TMEM132E: variants seen among roughly 807,000 people sequenced by gnomAD.
The protein encoded by TMEM132E is transmembrane protein 132E.
In TMEM132E, 49 loss-of-function variants were observed where a neutral mutation model predicts 78.5. The ratio of observed to expected loss-of-function variants is 0.62; its 90% confidence interval spans 0.50 to 0.79. The LOEUF (loss-of-function observed/expected upper bound fraction) is 0.79, where lower values mean the gene tolerates loss of function less well. Among genes scored for constraint, TMEM132E ranks in the 30% least tolerant of loss-of-function variants. The probability of loss-of-function intolerance (pLI) is 0.00; values close to 1 mark genes in which losing one functional copy is unlikely to be tolerated. For synonymous variants in TMEM132E, 715 were observed against 670.6 expected (o/e 1.07, Z -1.02); for missense variants, 1,403 against 1,470.9 (o/e 0.95, Z 0.75).
chr17:34,617,097 G>A (rs4795015), intron 1 of TMEM132E, among the ~76,000 whole-genome samples: 96,607 of 152,110 alleles, frequency 0.64, 31,001 homozygotes, highest in East Asian at 0.89. Context: ...CCTCTCCTTC[G>A]GCCAGCTGAC....
chr17:34,627,043 G>A lies in TMEM132E; in HGVS notation c.984G>A (p.Glu328=). The A allele has an allele frequency of 6.2e-7, 1 of 1,611,160 alleles. No individual in the cohort carries two copies. The highest frequency in any genetic ancestry group is 8.5e-7 in the Non-Finnish European group (1 of 1,178,938). The change falls in exon 2 of 9, where the codon GAG becomes GAA. Residue 328 remains glutamate (E), a synonymous_variant. Coordinates refer to ENST00000631683, the MANE Select transcript of TMEM132E (RefSeq NM_001304438.2). ...NSSSPSSPSV[E]HFTLRVKAKK... is the part of the protein sequence containing the mutation. ...CCTCGCCCTCCAGCCCCAGCGTGGA[G>A]CACTTCACACTCAGGTAGTAGGGAA...
chr17:34,626,515 C>A lies in TMEM132E; in HGVS notation c.456C>A (p.Asp152Glu). ...VQVLFYVAGRDWDDFGVTERL... is the reference protein window; with the variant it reads ...VQVLFYVAGREWDDFGVTERL... ...TGCTGTTCTACGTAGCCGGCCGGGACTGGGACGACTTCGGCGTCACCGAGC... is the reference window on the plus strand; with the variant it reads ...TGCTGTTCTACGTAGCCGGCCGGGAATGGGACGACTTCGGCGTCACCGAGC... The change falls in exon 2 of 9, where the codon GAC becomes GAA. Residue 152 changes from aspartate (D) to glutamate (E), a missense_variant. Around this residue, in one of 3 missense-constraint regions of TMEM132E, gnomAD observed 511 missense variants for 499.0 expected, o/e 1.02. Transcript: ENST00000631683. 6.2e-7 allele frequency: 1 copy of A among 1,607,378 alleles called. No homozygotes were observed. The highest frequency in any genetic ancestry group is 8.5e-7 in the Non-Finnish European group (1 of 1,178,798).
intron 1 of TMEM132E, among the ~76,000 whole-genome samples, chr17:34,598,886 G>T (rs3948672): frequency 1.3e-5 from 2 of 151,964 alleles, no homozygotes; most frequent in East Asian, 1.9e-4. Flanking sequence ...TGATTGTCCC[G>T]CCAGAAGAGA....
rs369093425 is a variant in TMEM132E at position 34,606,521 on chromosome 17, A to T, written c.68-19606A>T. The stretch of plus-strand genomic sequence containing the variant: ...AACCACAAAGCAAGAGCTGGGCAGA[A>T]CTAGGAGATGCACACATGCTCAGAG... On this transcript the variant is annotated intron_variant, in intron 1 of 8. Transcript: ENST00000631683. 5.3e-5 allele frequency among the ~76,000 whole-genome samples: 8 copies of T among 152,308 alleles called. No individual in the cohort carries two copies. The South Asian group carries it at 1.0e-3, about 20-fold the overall frequency.
At chr17:34,582,126 ATT>A (rs1905508780) in intron 1 of TMEM132E, among the ~76,000 whole-genome samples, 1 of 130,032 alleles carries the variant, frequency 7.7e-6, no homozygotes, top group African/African-American at 2.9e-5. Context: ...CCTGGGATAC[ATT>A]TTCTTAACCA....
At chr17:34,627,475 T>TGCGCGCGCGCGC (rs1567720036) in intron 2 of TMEM132E, among the ~76,000 whole-genome samples, 1 of 141,350 alleles carries the variant, frequency 7.1e-6, no homozygotes, top group African/African-American at 2.8e-5. Context: ...ATCGTGTGTG[T>TGCGCGCGCGCGC]GTGTGTGTGT....
intron 2 of TMEM132E, among the ~76,000 whole-genome samples, chr17:34,627,505 T>TGTGTGTGTGTGTGTGTGTGTGTG (rs59547151): frequency 1.0e-3 from 150 of 148,866 alleles, no homozygotes; most frequent in Non-Finnish European, 1.4e-3. Flanking sequence ...TGTGTGTGTG[T>TGTGTGTGTGTGTGTGTGTGTGTG]TTTGGGACAT....
At chr17:34,610,976 C>T (rs1317319232) in intron 1 of TMEM132E, among the ~76,000 whole-genome samples, 1 of 152,188 alleles carries the variant, frequency 6.6e-6, no homozygotes, top group Admixed American at 6.5e-5. Context: ...CTAGGTGAAA[C>T]CTAGATCAAA....
intron 1 of TMEM132E, among the ~76,000 whole-genome samples, chr17:34,581,835 C>T (rs1423939511): frequency 6.6e-6 from 1 of 152,026 alleles, no homozygotes; most frequent in African/African-American, 2.4e-5. Context: ...GCTCCCCAGG[C>T]TCGCCCCGGG....
intron 1 of TMEM132E, among the ~76,000 whole-genome samples, chr17:34,623,540 C>G (rs544867565): frequency 6.6e-6 from 1 of 152,358 alleles, no homozygotes; most frequent in South Asian, 2.1e-4. Flanking sequence ...CTGTACCTCC[C>G]CATACATGCA....
In TMEM132E at chr17:34,638,119, G is replaced by A. The variant is rs765563887; in HGVS notation, c.3112G>A (p.Glu1038Lys). Residue 1038 changes from glutamate (E) to lysine (K), a missense_variant, in exon 9 of 9, where the codon GAG becomes AAG. Coordinates refer to ENST00000631683, the MANE Select transcript of TMEM132E (RefSeq NM_001304438.2). ...YDSVPAGEED[E>K]EEEEDLGWGC... is the part of the protein sequence containing the mutation. ...CTCGGTGCCCGCGGGCGAAGAGGAC[G>A]AGGAGGAGGAAGAGGACCTGGGTTG... 1.9e-6 allele frequency: 3 copies of A among 1,605,466 alleles called. No homozygotes were observed. The highest frequency in any genetic ancestry group is 2.5e-6 in the Non-Finnish European group (3 of 1,176,662).
At chr17:34,588,901 GCAC>G (rs1905766980) in intron 1 of TMEM132E, among the ~76,000 whole-genome samples, 1 of 152,198 alleles carries the variant, frequency 6.6e-6, no homozygotes, top group Middle Eastern at 3.4e-3. Context: ...CTGCAGGTGT[GCAC>G]CACCACACCT....
chr17:34,627,467 C>CGTGTGCGCGCGCGCGCGTGT (rs146318983), intron 2 of TMEM132E, among the ~76,000 whole-genome samples: 6 of 126,470 alleles, frequency 4.7e-5, no homozygotes, highest in African/African-American at 1.8e-4. Context: ...CCAAAAGAAT[C>CGTGTGCGCGCGCGCGCGTGT]GTGTGTGTGT....
chr17:34,603,772 T>C (rs1234403188), intron 1 of TMEM132E, among the ~76,000 whole-genome samples: 1 of 152,208 alleles, frequency 6.6e-6, no homozygotes, highest in Non-Finnish European at 1.5e-5. Context: ...CTCAGTGATA[T>C]GCCCTTGTGG....
intron 1 of TMEM132E, among the ~76,000 whole-genome samples, chr17:34,608,559 T>C (rs1001563289): frequency 1.3e-5 from 2 of 152,214 alleles, no homozygotes; most frequent in Admixed American, 6.5e-5. Flanking sequence ...AGCATATCTG[T>C]ACTCATGAAA....
At chr17:34,621,300 G>C (rs1440958120) in intron 1 of TMEM132E, among the ~76,000 whole-genome samples, 1 of 152,160 alleles carries the variant, frequency 6.6e-6, no homozygotes, top group African/African-American at 2.4e-5. Flanking sequence ...TTTCTGGTGA[G>C]GGTTGTCTTC....
At chr17:34,606,295 C>T (rs1327624917) in intron 1 of TMEM132E, among the ~76,000 whole-genome samples, 1 of 152,180 alleles carries the variant, frequency 6.6e-6, no homozygotes, top group East Asian at 1.9e-4. Context: ...TGCAGTGAGC[C>T]GAGATCGCAC....
intron 1 of TMEM132E, among the ~76,000 whole-genome samples, chr17:34,599,557 G>T (rs1906166338): frequency 6.6e-6 from 1 of 152,202 alleles, no homozygotes; most frequent in East Asian, 1.9e-4. Context: ...TGAATTTGGT[G>T]GATTCAGATG....
intron 1 of TMEM132E, among the ~76,000 whole-genome samples, chr17:34,585,459 G>A (rs886348671): frequency 5.9e-5 from 9 of 152,192 alleles, no homozygotes; most frequent in African/African-American, 1.9e-4. Flanking sequence ...AGCGGGCAGG[G>A]TCTCACCTTG....
Sources: gnomAD v4.1 joint callset for allele counts (sites outside exome capture counted in the v4.1 genomes callset) on GRCh38, gnomAD v4.1.1 for gene constraint, gnomAD v4.1.1 regional missense constraint, MANE v1.5 for transcripts, NCBI Gene and HGNC (gene_info 2026-07-23, HGNC 2026-07-21) for gene names.